The following DPY19L1 variants were observed in gnomAD, a reference collection of about 807,000 sequenced individuals.
DPY19L1 encodes the protein dpy-19 like C-mannosyltransferase 1.
In DPY19L1, 35 loss-of-function variants were observed where a neutral mutation model predicts 96.9. That is an observed-to-expected ratio of 0.36 (90% confidence interval 0.28 to 0.48). The LOEUF (loss-of-function observed/expected upper bound fraction) is 0.48, where lower values mean the gene tolerates loss of function less well. DPY19L1 is among the 20% of genes least tolerant of loss of function. DPY19L1 has a pLI of 0.99. For missense variants in DPY19L1, 521 were observed against 777.9 expected (o/e 0.67, Z 3.93); for synonymous variants, 205 against 252.6 (o/e 0.81, Z 1.79).
In DPY19L1 at chr7:35,037,459, T is replaced by C. The variant is rs1281642946; in HGVS notation, c.-65A>G. On this transcript the variant is annotated 5_prime_UTR_variant, in exon 1 of 22. Coordinates refer to ENST00000638088, the MANE Select transcript of DPY19L1 (RefSeq NM_001366673.1). ...GGCGGCCAGAGAACGGCGGGCTGGC[T>C]GGGCGGCTGGGCGCAGCTCACTCTC... is the stretch of plus-strand genomic sequence containing the variant. 2.6e-5 allele frequency: 8 copies of C among 306,514 alleles called. No individual in the cohort carries two copies. Among genetic ancestry groups the C allele is most frequent in the Non-Finnish European group, 2.4e-5 (4 of 166,822 alleles). The allele number at this position is 306,514 out of a possible 1,614,324, so 19.0% of individuals were successfully genotyped here.
chr7:35,000,703 G>C (rs570250576), intron 6 of DPY19L1: 1 of 152,012 alleles, frequency 6.6e-6, no homozygotes, highest in Non-Finnish European at 1.5e-5. Context: ...AGAATCCTTC[G>C]GAAATGAATT....
chr7:34,982,941 C>T (rs1278837702), intron 7 of DPY19L1, among the ~76,000 whole-genome samples: 1 of 152,178 alleles, frequency 6.6e-6, no homozygotes, highest in Non-Finnish European at 1.5e-5. Flanking sequence ...AAACTAACCC[C>T]TTCCCAGTTT....
chr7:34,961,669 T>C (rs977265307), intron 10 of DPY19L1, among the ~76,000 whole-genome samples: 1 of 152,130 alleles, frequency 6.6e-6, no homozygotes, highest in Non-Finnish European at 1.5e-5. Context: ...AATTAAAAAC[T>C]TCTGCTCTGT....
intron 6 of DPY19L1, among the ~76,000 whole-genome samples, chr7:35,006,055 T>C (rs774490692): frequency 3.3e-5 from 5 of 152,170 alleles, no homozygotes; most frequent in Non-Finnish European, 4.4e-5. Context: ...CTCCCTCTTT[T>C]ATTTCAGCTA....
intron 1 of DPY19L1, among the ~76,000 whole-genome samples, chr7:35,030,893 A>C (rs1584266038): frequency 3.9e-5 from 6 of 152,270 alleles, no homozygotes; most frequent in African/African-American, 1.4e-4. Flanking sequence ...CAACATCTAG[A>C]CCCAGATATA....
At chr7:35,002,126 A>C (rs1785440428) in intron 6 of DPY19L1, among the ~76,000 whole-genome samples, 1 of 120,498 alleles carries the variant, frequency 8.3e-6, no homozygotes, top group Non-Finnish European at 1.8e-5. Flanking sequence ...ACTCCAGCTC[A>C]AAAAAAAAAA....
Position 34,931,342 on chromosome 7 carries a change from A to C in DPY19L1, c.*231T>G. The C allele has an allele frequency of 2.3e-6, 1 of 438,124 alleles. No individual in the cohort carries two copies. Among genetic ancestry groups the C allele is most frequent in the Non-Finnish European group, 3.8e-6 (1 of 263,114 alleles). The allele number at this position is 438,124 out of a possible 1,614,324, so 27.1% of individuals were successfully genotyped here. A position where few individuals can be genotyped will look rare whatever the true frequency, so the allele number is the denominator to read the frequency against. ...ACAAATATTAAAGTCAAGTACAAGC[A>C]TATACTCATTTGCATAGCAAATTTT... On this transcript the variant is annotated 3_prime_UTR_variant, in exon 22 of 22. Transcript: ENST00000638088.
chr7:34,992,938 A>G (rs1186266404), intron 6 of DPY19L1, among the ~76,000 whole-genome samples: 4 of 152,188 alleles, frequency 2.6e-5, no homozygotes, highest in Non-Finnish European at 1.5e-5. Context: ...CTCTGCCTAT[A>G]TAAATGAAAC....
At chr7:34,987,316 T>C (rs1785071319) in intron 7 of DPY19L1, among the ~76,000 whole-genome samples, 1 of 152,072 alleles carries the variant, frequency 6.6e-6, no homozygotes, top group Non-Finnish European at 1.5e-5. Context: ...ACATTACTGA[T>C]CATTATTATA....
intron 1 of DPY19L1, among the ~76,000 whole-genome samples, chr7:35,023,833 CTTTTTTTTTTTTTTT>C (rs755619806): frequency 5.4e-5 from 6 of 111,810 alleles, no homozygotes; most frequent in African/African-American, 2.0e-4. Flanking sequence ...CTTTTCTTTT[CTTTTTTTTTTTTTTT>C]TTTTTGAGAC....
chr7:35,029,268 G>A (rs1786203878), intron 1 of DPY19L1, among the ~76,000 whole-genome samples: 1 of 152,148 alleles, frequency 6.6e-6, no homozygotes, highest in Non-Finnish European at 1.5e-5. Flanking sequence ...TATTAAAAAA[G>A]TGCATTTTAT....
chr7:35,037,836 G>T, upstream of DPY19L1: 1 of 1,231,708 alleles, frequency 8.1e-7, no homozygotes, highest in African/African-American at 1.6e-5. Context: ...CGCCCGCGCG[G>T]GGCTCGGCCG....
At chr7:34,965,931 A>C (rs1784598967) in intron 10 of DPY19L1, among the ~76,000 whole-genome samples, 1 of 152,088 alleles carries the variant, frequency 6.6e-6, no homozygotes, top group African/African-American at 2.4e-5. Context: ...TCTCAAGAAG[A>C]CCTGCCCTGA....
chr7:34,941,143 T>C (rs770456034), intron 18 of DPY19L1, among the ~76,000 whole-genome samples: 1 of 152,044 alleles, frequency 6.6e-6, no homozygotes, highest in Non-Finnish European at 1.5e-5. Context: ...ATCCCTAGAG[T>C]GCGCAGTGTA....
At chr7:34,967,464 GAGTT>G (rs1784635485) in intron 9 of DPY19L1, among the ~76,000 whole-genome samples, 1 of 152,074 alleles carries the variant, frequency 6.6e-6, no homozygotes, top group Non-Finnish European at 1.5e-5. Flanking sequence ...AAATATTCAA[GAGTT>G]AGTTATAATC....
At chr7:35,028,185 T>C (rs1412885167) in intron 1 of DPY19L1, among the ~76,000 whole-genome samples, 2 of 152,188 alleles carry the variant, frequency 1.3e-5, no homozygotes, top group Non-Finnish European at 2.9e-5. Flanking sequence ...CAGCAAGGCC[T>C]GGAGGAGAGC....
chr7:34,980,707 T>A (rs1031555472), intron 7 of DPY19L1, among the ~76,000 whole-genome samples: 4 of 152,132 alleles, frequency 2.6e-5, no homozygotes, highest in African/African-American at 4.8e-5. Flanking sequence ...TCATTACTCA[T>A]CAGGAAAATG....
In DPY19L1 at chr7:35,034,054, C is replaced by T. The variant is rs577559444; in HGVS notation, c.298+3043G>A. On this transcript the variant is annotated intron_variant, in intron 1 of 21. Transcript: ENST00000638088. ...GGAACCAGGTTATAGCAGGTGTACC[C>T]TTGCCATTGACCACAGGAACCAGGT... Among the ~76,000 whole-genome samples the T allele has an allele frequency of 3.3e-5, 5 of 152,218 alleles. 1 individual carries two copies. Among genetic ancestry groups the T allele is most frequent in the African/African-American group, 4.8e-5 (2 of 41,530 alleles).
At chr7:34,994,242 C>T (rs1016789428) in intron 6 of DPY19L1, among the ~76,000 whole-genome samples, 8 of 152,000 alleles carry the variant, frequency 5.3e-5, no homozygotes, top group African/African-American at 1.7e-4. Context: ...AGATAATCAA[C>T]AAGCTCAATG....
Sources: allele counts gnomAD v4.1 joint callset (sites outside exome capture counted in the v4.1 genomes callset), GRCh38; gene constraint gnomAD v4.1.1; transcripts MANE v1.5; gene names NCBI Gene and HGNC (gene_info 2026-07-23, HGNC 2026-07-21).